The following KPNA3 variants were observed in gnomAD, a reference collection of about 807,000 sequenced individuals.
KPNA3 encodes the protein importin subunit alpha-4.
Under a neutral mutation model 73.8 loss-of-function variants are expected in KPNA3, and 13 were observed. The ratio of observed to expected loss-of-function variants is 0.18; its 90% CI spans 0.11 to 0.28. KPNA3 has a LOEUF of 0.28. KPNA3 is among the 10% of genes least tolerant of loss of function. The pLI is 1.00. For missense variants in KPNA3, 360 were observed against 618.1 expected, an observed-to-expected ratio of 0.58 and a Z score of 4.43; for synonymous variants, 186 against 206.9, an observed-to-expected ratio of 0.90 and a Z score of 0.87.
chr13:49,779,202 T>G (rs1954922005), intron 1 of KPNA3, among the ~76,000 whole-genome samples: 1 of 152,150 alleles, frequency 6.6e-6, no homozygotes, highest in African/African-American at 2.4e-5. Context: ...CTTATATAAT[T>G]AACTGAAAAT....
At chr13:49,768,762 AC>A (rs1471612077) in intron 1 of KPNA3, among the ~76,000 whole-genome samples, 10 of 152,152 alleles carry the variant, frequency 6.6e-5, no homozygotes, top group Non-Finnish European at 1.2e-4. Context: ...ACATACATGT[AC>A]TACACATGCC....
At chr13:49,787,960 G>A (rs1954998620) in intron 1 of KPNA3, among the ~76,000 whole-genome samples, 1 of 152,180 alleles carries the variant, frequency 6.6e-6, no homozygotes, top group East Asian at 1.9e-4. Flanking sequence ...GATTACAGGC[G>A]TTAGCCATTG....
At chr13:49,741,613 C>T (rs563444465) in intron 2 of KPNA3, among the ~76,000 whole-genome samples, 1 of 152,216 alleles carries the variant, frequency 6.6e-6, no homozygotes, top group East Asian at 1.9e-4. Context: ...GCCACCACGC[C>T]CAGCTAATTT....
Position 49,792,343 on chromosome 13 carries a change from G to A in KPNA3, c.69+95C>T, listed in dbSNP as rs936095749. ...GGCGGCCAACTCCGGCCGACCACAA[G>A]CCGACGAGAACCAGCCCGGCGCCGG... On this transcript the variant is annotated intron_variant, in intron 1 of 16. Coordinates refer to ENST00000261667, the MANE Select transcript of KPNA3 (RefSeq NM_002267.4). 2.8e-5 allele frequency: 21 copies of A among 761,760 alleles called. No individual in the cohort carries two copies. The African/African-American group carries it at 3.0e-4, about 11-fold the overall frequency. The allele number at this position is 761,760 out of a possible 1,614,324, so 47.2% of individuals were successfully genotyped here.
intron 1 of KPNA3, among the ~76,000 whole-genome samples, chr13:49,789,237 T>C (rs1190910113): frequency 6.6e-6 from 1 of 152,176 alleles, no homozygotes; most frequent in African/African-American, 2.4e-5. Flanking sequence ...CCTGGAAGTC[T>C]CCTCTCTTTA....
At chr13:49,737,059 T>C (rs1396169078) in intron 2 of KPNA3, among the ~76,000 whole-genome samples, 1 of 152,238 alleles carries the variant, frequency 6.6e-6, no homozygotes, top group East Asian at 1.9e-4. Context: ...TATTTCATCA[T>C]ATAGATATAC....
intron 1 of KPNA3, among the ~76,000 whole-genome samples, chr13:49,761,817 T>C (rs1954764633): frequency 7.0e-6 from 1 of 143,594 alleles, no homozygotes; most frequent in Non-Finnish European, 1.5e-5. Flanking sequence ...CGGCCGCCCA[T>C]CGTCTGAGAT....
intron 2 of KPNA3, among the ~76,000 whole-genome samples, chr13:49,733,950 G>A (rs756100286): frequency 9.9e-5 from 15 of 152,136 alleles, no homozygotes; most frequent in Non-Finnish European, 1.9e-4. Context: ...ACTGGCCTGT[G>A]CCAGAAAACC....
chr13:49,708,152 C>A (rs1954225538), intron 12 of KPNA3, among the ~76,000 whole-genome samples: 1 of 152,010 alleles, frequency 6.6e-6, no homozygotes, highest in South Asian at 2.1e-4. Flanking sequence ...TCTGCTACCA[C>A]ACCCGGCTAA....
At chr13:49,724,387 TCCGCCTCCCGGGTTCACGCCATTCTC>T (rs1293688221) in intron 7 of KPNA3, among the ~76,000 whole-genome samples, 4 of 151,640 alleles carry the variant, frequency 2.6e-5, no homozygotes, top group Non-Finnish European at 4.4e-5. Flanking sequence ...CACTGCAAGC[TCCGCCTCCCGGGTTCACGCCATTCTC>T]CCGCCTCAGC....
At chr13:49,789,326 A>G (rs757177979) in intron 1 of KPNA3, among the ~76,000 whole-genome samples, 20 of 152,106 alleles carry the variant, frequency 1.3e-4, no homozygotes, top group Non-Finnish European at 2.6e-4. Flanking sequence ...CATATTTCCT[A>G]TAAGATTCAC....
At chr13:49,746,800 T>G (rs556072932) in intron 2 of KPNA3, 149 bp downstream of exon 2, 1 of 606,822 alleles carries the variant, frequency 1.6e-6, no homozygotes, top group Non-Finnish European at 2.9e-6. Context: ...TGAAAGCTAT[T>G]ATGAATAAGT....
chr13:49,706,006 A>G lies in KPNA3; in HGVS notation c.1209+92T>C. On this transcript the variant is annotated intron_variant, in intron 14 of 16. Transcript: ENST00000261667. ...AATAATAATTATCTTTTCCCCAAAAAGAACACAATACAGTCAGCAACTACG... is the reference window on the plus strand; with the variant it reads ...AATAATAATTATCTTTTCCCCAAAAGGAACACAATACAGTCAGCAACTACG... 4 of 1,212,510 alleles carry G rather than the reference A, an allele frequency of 3.3e-6. No individual in the cohort carries two copies. In the South Asian group the frequency reaches 5.7e-5, roughly 17 times the overall value. The allele number at this position is 1,212,510 out of a possible 1,614,324, so 75.1% of individuals were successfully genotyped here.
intron 1 of KPNA3, among the ~76,000 whole-genome samples, chr13:49,753,710 G>C (rs1283568287): frequency 6.6e-6 from 1 of 152,214 alleles, no homozygotes; most frequent in Non-Finnish European, 1.5e-5. Flanking sequence ...GTTGGCATTA[G>C]ATTCTCATAG....
At chr13:49,739,824 T>A (rs1293250426) in intron 2 of KPNA3, among the ~76,000 whole-genome samples, 1 of 152,216 alleles carries the variant, frequency 6.6e-6, no homozygotes, top group East Asian at 1.9e-4. Context: ...CACTGTTTAG[T>A]TCAGCTCTTT....
intron 2 of KPNA3, among the ~76,000 whole-genome samples, chr13:49,736,587 C>A (rs1954523038): frequency 6.6e-6 from 1 of 152,070 alleles, no homozygotes; most frequent in Non-Finnish European, 1.5e-5. Flanking sequence ...CCCAGGTTAC[C>A]CCAAAGGTAA....
At chr13:49,764,485 G>T (rs980130940) in intron 1 of KPNA3, among the ~76,000 whole-genome samples, 1 of 151,922 alleles carries the variant, frequency 6.6e-6, no homozygotes, top group Non-Finnish European at 1.5e-5. Flanking sequence ...AGAAGACCAG[G>T]CCTCATATTT....
At chr13:49,724,851 C>T (rs1454197387) in intron 7 of KPNA3, among the ~76,000 whole-genome samples, 1 of 152,214 alleles carries the variant, frequency 6.6e-6, no homozygotes, top group East Asian at 1.9e-4. Flanking sequence ...CTTGCCTTAG[C>T]CTCCCAAAGT....
chr13:49,711,664 T>G (rs866351684), intron 10 of KPNA3, among the ~76,000 whole-genome samples: 3 of 152,300 alleles, frequency 2.0e-5, no homozygotes, highest in South Asian at 4.1e-4. Flanking sequence ...GATCTGGTGA[T>G]TCATTCAAGG....
Sources: allele counts gnomAD v4.1 joint callset (sites outside exome capture counted in the v4.1 genomes callset), GRCh38; gene constraint gnomAD v4.1.1; transcripts MANE v1.5; gene names NCBI Gene and HGNC (gene_info 2026-07-23, HGNC 2026-07-21).